Variants in CDC14B observed in about 807,000 individuals in gnomAD.
CDC14B encodes the protein dual specificity protein phosphatase CDC14B.
In CDC14B, 22 loss-of-function variants were observed where a neutral mutation model predicts 64.2. The ratio of observed to expected loss-of-function variants is 0.34; its 90% CI spans 0.24 to 0.49. The LOEUF (loss-of-function observed/expected upper bound fraction) is 0.49. CDC14B is among the 20% of genes least tolerant of loss of function. The pLI is 0.99. For synonymous variants in CDC14B, 191 were observed against 215.8 expected, an observed-to-expected ratio of 0.89 and a Z score of 1.01; for missense variants, 498 against 629.9, an observed-to-expected ratio of 0.79 and a Z score of 2.24.
chr9:96,521,136 C>T (rs16911054), intron 12 of CDC14B, among the ~76,000 whole-genome samples: 4,257 of 152,262 alleles, frequency 0.028, 180 homozygotes, highest in African/African-American at 0.097. Flanking sequence ...ATGGCACGAT[C>T]TCGGCTCAAT....
At chr9:96,589,090 C>T (rs927518388) in intron 1 of CDC14B, among the ~76,000 whole-genome samples, 9 of 152,152 alleles carry the variant, frequency 5.9e-5, no homozygotes, top group Non-Finnish European at 1.2e-4. Flanking sequence ...AATCCTAGCA[C>T]TTTGGGAGGC....
chr9:96,578,766 G>C (rs140251027), intron 1 of CDC14B, among the ~76,000 whole-genome samples: 9 of 152,336 alleles, frequency 5.9e-5, no homozygotes, highest in Middle Eastern at 3.4e-3. Flanking sequence ...GGGAAAGCTG[G>C]TGAAATCCCA....
chr9:96,596,591 T>A (rs1307752432), intron 1 of CDC14B, among the ~76,000 whole-genome samples: 7 of 152,138 alleles, frequency 4.6e-5, no homozygotes, highest in Admixed American at 2.0e-4. Flanking sequence ...GCAGGCATAG[T>A]GGCTCACTCC....
intron 1 of CDC14B, among the ~76,000 whole-genome samples, chr9:96,606,586 G>T (rs1319469980): frequency 7.4e-6 from 1 of 135,604 alleles, no homozygotes; most frequent in African/African-American, 2.8e-5. Flanking sequence ...TGTTTCTGGA[G>T]ATGGTGTTTC....
At chr9:96,537,294 A>T (rs951370418) in intron 7 of CDC14B, among the ~76,000 whole-genome samples, 1 of 152,204 alleles carries the variant, frequency 6.6e-6, no homozygotes, top group Non-Finnish European at 1.5e-5. Context: ...TCTCTAAAAA[A>T]GAAAGAAAGA....
chr9:96,603,127 T>A (rs1305663085), intron 1 of CDC14B, among the ~76,000 whole-genome samples: 1 of 150,208 alleles, frequency 6.7e-6, no homozygotes, highest in Non-Finnish European at 1.5e-5. Context: ...ATGAGAATAA[T>A]GTGGTGTCAT....
intron 13 of CDC14B, among the ~76,000 whole-genome samples, chr9:96,504,213 AT>A (rs2131256805): frequency 6.6e-6 from 1 of 152,168 alleles, no homozygotes; most frequent in East Asian, 1.9e-4. Flanking sequence ...TTACTGGGTT[AT>A]TTCAAAAGCC....
At chr9:96,561,408 C>T (rs575174963) in intron 4 of CDC14B, among the ~76,000 whole-genome samples, 17 of 152,202 alleles carry the variant, frequency 1.1e-4, no homozygotes, top group Non-Finnish European at 1.5e-4. Context: ...TAAAATGGTC[C>T]GGTAAGGCAT....
intron 6 of CDC14B, among the ~76,000 whole-genome samples, chr9:96,539,612 C>G (rs1471027396): frequency 6.6e-6 from 1 of 152,144 alleles, no homozygotes. Context: ...TCATCCATAT[C>G]TTCATTTTCA....
chr9:96,520,216 C>T (rs186908106), intron 12 of CDC14B, among the ~76,000 whole-genome samples: 18 of 152,278 alleles, frequency 1.2e-4, no homozygotes, highest in African/African-American at 1.7e-4. Flanking sequence ...ACTAGCATTT[C>T]GCTTTCTTCT....
chr9:96,537,242 C>T lies in CDC14B; in HGVS notation c.627+1836G>A, dbSNP rs899500733. Among the ~76,000 whole-genome samples the T allele has an allele frequency of 6.6e-5, 10 of 152,090 alleles. No individual in the cohort carries two copies. In the East Asian group the frequency reaches 1.7e-3, roughly 27 times the overall value. On this transcript the variant is annotated intron_variant, in intron 7 of 13. Transcript: ENST00000375241. Reference sequence around the variant, plus strand: ...GAGAGAGAATGCAGTGAGCCAAGATCGCACCACTGCACTCCAGCCTGGGCA... The same window carrying T: ...GAGAGAGAATGCAGTGAGCCAAGATTGCACCACTGCACTCCAGCCTGGGCA...
At chr9:96,493,759 A>C (rs970939365) in intron 13 of CDC14B, among the ~76,000 whole-genome samples, 1 of 152,020 alleles carries the variant, frequency 6.6e-6, no homozygotes, top group Admixed American at 6.5e-5. Flanking sequence ...CAGGAGTTTG[A>C]GGTTACAGTG....
chr9:96,505,082 G>A lies in CDC14B; in HGVS notation c.1461-1293C>T, dbSNP rs950529732. 2.6e-5 allele frequency among the ~76,000 whole-genome samples: 4 copies of A among 152,130 alleles called. No homozygotes were observed. The East Asian group carries it at 7.7e-4, about 29-fold the overall frequency. ...TGTATTCCCAGCTATGCAGGAGGCT[G>A]AGGCAGGAGAATCACTTCAACCTGG... is the stretch of plus-strand genomic sequence containing the variant. On this transcript the variant is annotated intron_variant, in intron 13 of 13. Transcript: ENST00000375241.
At chr9:96,537,717 C>A (rs558872487) in intron 7 of CDC14B, among the ~76,000 whole-genome samples, 3 of 152,228 alleles carry the variant, frequency 2.0e-5, no homozygotes, top group African/African-American at 7.2e-5. Context: ...TTTATGTAAT[C>A]CAGTAAATTT....
At chr9:96,526,030 C>T (rs1367968485) in intron 9 of CDC14B, among the ~76,000 whole-genome samples, 1 of 152,016 alleles carries the variant, frequency 6.6e-6, no homozygotes, top group African/African-American at 2.4e-5. Context: ...AATAAGGTCA[C>T]AGAGTGGGGC....
chr9:96,537,874 C>G (rs1010863317), intron 7 of CDC14B, among the ~76,000 whole-genome samples: 9 of 152,092 alleles, frequency 5.9e-5, no homozygotes, highest in East Asian at 1.9e-4. Context: ...AGGCGCCCAC[C>G]ACCACGCCTG....
At chr9:96,590,176 A>G (rs779156585) in intron 1 of CDC14B, among the ~76,000 whole-genome samples, 1 of 152,106 alleles carries the variant, frequency 6.6e-6, no homozygotes, top group Non-Finnish European at 1.5e-5. Flanking sequence ...GGAAACCACC[A>G]TTCTACTTTC....
At chr9:96,567,593 T>TA (rs1314374836) in intron 1 of CDC14B, among the ~76,000 whole-genome samples, 2 of 152,214 alleles carry the variant, frequency 1.3e-5, no homozygotes, top group African/African-American at 4.8e-5. Context: ...TGGGATGGTT[T>TA]AAAAACAAAA....
At position 96,503,677 on chromosome 9, in the gene CDC14B, G is replaced by A; in HGVS notation, c.*76C>T. On this transcript the variant is annotated 3_prime_UTR_variant, in exon 14 of 14. Transcript: ENST00000375241. The stretch of plus-strand genomic sequence containing the variant: ...ACTAAGGCTTTTGCAATTTTGTTTT[G>A]TTTTCAAATTGTGCTAATTTCTGTT... 1 of 1,363,094 alleles carries A rather than the reference G, an allele frequency of 7.3e-7. No homozygotes were observed. The highest frequency in any genetic ancestry group is 1.2e-5 in the South Asian group (1 of 80,938). 84.4% of individuals were successfully genotyped at this position (1,363,094 alleles called of 1,614,324 possible).
Sources: allele counts gnomAD v4.1 joint callset (sites outside exome capture counted in the v4.1 genomes callset), GRCh38; gene constraint gnomAD v4.1.1; transcripts MANE v1.5; gene names NCBI Gene and HGNC (gene_info 2026-07-23, HGNC 2026-07-21).